The following AGAP1 variants were observed in gnomAD, a reference collection of about 807,000 sequenced individuals.
AGAP1 encodes the protein ArfGAP with GTPase domain, ankyrin repeat and PH domain 1, also known as arf-GAP with GTPase, ANK repeat and PH domain-containing protein 1.
In AGAP1, 29 loss-of-function variants were observed where a neutral mutation model predicts 105.3. The ratio of observed to expected loss-of-function variants is 0.28; its 90% CI spans 0.21 to 0.38. AGAP1 has a LOEUF of 0.38. Ranked by LOEUF, AGAP1 falls within the 10% of genes least tolerant of loss-of-function variation. The pLI is 1.00. For synonymous variants in AGAP1, 509 were observed against 485.9 expected, an observed-to-expected ratio of 1.05 and a Z score of -0.63; for missense variants, 998 against 1,165.1, an observed-to-expected ratio of 0.86 and a Z score of 2.09.
intron 1 of AGAP1, among the ~76,000 whole-genome samples, chr2:235,575,511 A>G (rs980603347): frequency 1.3e-5 from 2 of 152,228 alleles, no homozygotes; most frequent in African/African-American, 4.8e-5. Context: ...TTTAAGGACC[A>G]GTGTGATTCT....
Position 236,009,963 on chromosome 2 carries a change from T to A in AGAP1, c.1646-26598T>A, listed in dbSNP as rs537924582. ...TCCTGGTACAATGATGGAGGAAGAG[T>A]TTGGAATAAAACCCTGCTCGTTTGA... On this transcript the variant is annotated intron_variant, in intron 13 of 17. Transcript: ENST00000304032. This position sits in a 1 kb window ranked among gnomAD's most constrained non-coding sequence, Gnocchi z 4.2. Among the ~76,000 whole-genome samples the A allele has an allele frequency of 1.2e-3, 178 of 151,848 alleles. 1 individual carries two copies. The highest frequency in any genetic ancestry group is 3.3e-3 in the Admixed American group (50 of 15,256).
intron 14 of AGAP1, among the ~76,000 whole-genome samples, chr2:236,039,454 G>A (rs1458724316): frequency 1.3e-5 from 2 of 152,066 alleles, no homozygotes; most frequent in Non-Finnish European, 2.9e-5. Context: ...TGGGGAAAAA[G>A]GTACATATCC....
intron 1 of AGAP1, among the ~76,000 whole-genome samples, chr2:235,506,495 G>C (rs1299688371): frequency 1.3e-5 from 2 of 151,880 alleles, no homozygotes; most frequent in African/African-American, 4.8e-5. Context: ...CTCCACCCTG[G>C]GTGCCAGAGT....
At chr2:236,103,961 C>T (rs1435108671) in intron 16 of AGAP1, among the ~76,000 whole-genome samples, 7 of 152,256 alleles carry the variant, frequency 4.6e-5, no homozygotes, top group African/African-American at 1.7e-4. Flanking sequence ...GGCATTGAGC[C>T]ACATGCACAA....
At chr2:235,546,943 C>T (rs1419573369) in intron 1 of AGAP1, among the ~76,000 whole-genome samples, 1 of 152,174 alleles carries the variant, frequency 6.6e-6, no homozygotes, top group African/African-American at 2.4e-5. Context: ...GCTCACTGGC[C>T]GTATTCAGCT....
At chr2:235,857,478 C>T (rs1207927266) in intron 9 of AGAP1, among the ~76,000 whole-genome samples, 2 of 152,192 alleles carry the variant, frequency 1.3e-5, no homozygotes, top group African/African-American at 4.8e-5. Flanking sequence ...AGGGTCCTGA[C>T]CCCGACCCTC....
chr2:235,740,890 C>G lies in AGAP1; in HGVS notation c.311-73C>G, dbSNP rs568406763. On this transcript the variant is annotated intron_variant, in intron 3 of 17. Coordinates refer to ENST00000304032, the MANE Select transcript of AGAP1 (RefSeq NM_001037131.3). This position sits in a 1 kb window ranked among gnomAD's most constrained non-coding sequence, Gnocchi z 5.7. ...AGCCTAGGGTGTATTTTTCCACAAG[C>G]GAAGCCCACGTCTGTCTGCCCTCCT... 6.9e-6 allele frequency: 11 copies of G among 1,586,004 alleles called. No homozygotes were observed. The East Asian group carries it at 2.2e-4, about 32-fold the overall frequency.
intron 1 of AGAP1, among the ~76,000 whole-genome samples, chr2:235,537,673 C>CCCTGGGCT (rs1943285228): frequency 6.6e-6 from 1 of 152,232 alleles, no homozygotes; most frequent in East Asian, 1.9e-4. Flanking sequence ...AGTGCTTTCA[C>CCCTGGGCT]ACTTAAATTG....
chr2:235,538,153 A>C (rs1943302724), intron 1 of AGAP1, among the ~76,000 whole-genome samples: 1 of 152,178 alleles, frequency 6.6e-6, no homozygotes, highest in African/African-American at 2.4e-5. Context: ...TGAAAAGAAA[A>C]TAGGGTTATA....
intron 8 of AGAP1, among the ~76,000 whole-genome samples, chr2:235,805,411 G>A (rs1957787539): frequency 1.3e-5 from 2 of 152,090 alleles, no homozygotes; most frequent in Admixed American, 1.3e-4. Context: ...CTTGTTACAG[G>A]AAGATGTTAA....
chr2:235,743,724 G>T (rs928887082), intron 4 of AGAP1, among the ~76,000 whole-genome samples: 4 of 152,202 alleles, frequency 2.6e-5, no homozygotes, highest in African/African-American at 9.6e-5. Flanking sequence ...GATAACCTTG[G>T]CCATAAAAAC....
rs61027338 is a variant in AGAP1, at chr2:236,000,738, G to A, written c.1645+32115G>A. On this transcript the variant is annotated intron_variant, in intron 13 of 17. Transcript: ENST00000304032. This position sits in a 1 kb window ranked among gnomAD's most constrained non-coding sequence, Gnocchi z 4.3. Reference sequence around the variant, plus strand: ...CAATCAGCCCCGATGGTGTGGCGGGGCAGGTACTAGAGATTGTGTTTGCAG... The same window carrying A: ...CAATCAGCCCCGATGGTGTGGCGGGACAGGTACTAGAGATTGTGTTTGCAG... Among the ~76,000 whole-genome samples, 2,339 of 152,320 alleles carry A rather than the reference G, an allele frequency of 0.015. 71 individuals are homozygous for A. The highest frequency in any genetic ancestry group is 0.054 in the African/African-American group (2,237 of 41,558).
chr2:235,534,271 G>A (rs1943137944), intron 1 of AGAP1, among the ~76,000 whole-genome samples: 4 of 152,162 alleles, frequency 2.6e-5, no homozygotes, highest in Admixed American at 2.6e-4. Context: ...GGGAGGACTA[G>A]GGAAGTAAAT....
intron 1 of AGAP1, among the ~76,000 whole-genome samples, chr2:235,624,456 G>A (rs35638970): frequency 0.027 from 4,052 of 152,188 alleles, 84 homozygotes; most frequent in Admixed American, 0.041. Context: ...TTCAGTGGTT[G>A]GAATGGAAAA....
intron 16 of AGAP1, among the ~76,000 whole-genome samples, chr2:236,077,662 TC>T (rs1262474824): frequency 6.6e-6 from 1 of 152,180 alleles, no homozygotes; most frequent in Non-Finnish European, 1.5e-5. Context: ...GTCACAATAA[TC>T]CGTCCATGGT....
chr2:235,999,455 ACAATGGTAGTAG>A (rs2055989893), intron 13 of AGAP1, among the ~76,000 whole-genome samples: 1 of 123,918 alleles, frequency 8.1e-6, no homozygotes, highest in Non-Finnish European at 1.7e-5. Context: ...AGTGGTGGTG[ACAATGGTAGTAG>A]TGATTGTGGT....
intron 11 of AGAP1, among the ~76,000 whole-genome samples, chr2:235,923,152 A>G (rs1224072444): frequency 6.6e-6 from 1 of 152,132 alleles, no homozygotes; most frequent in East Asian, 1.9e-4. Context: ...TCAGTCATGT[A>G]TTTCATGGTA....
rs572790056 is a variant in AGAP1 at position 235,685,573 on chromosome 2, G to A, written c.164-23606G>A. Among the ~76,000 whole-genome samples the A allele has an allele frequency of 2.0e-5, 3 of 151,962 alleles. No individual in the cohort carries two copies. The South Asian group carries it at 6.2e-4, about 32-fold the overall frequency. ...GACCAGAGGCCCCTCACTGCTCCAC[G>A]CGTATACAGGGTGCGTCTGTCTGGA... On this transcript the variant is annotated intron_variant, in intron 1 of 17. Transcript: ENST00000304032.
At chr2:236,102,930 T>A (rs1339767654) in intron 16 of AGAP1, among the ~76,000 whole-genome samples, 2 of 152,186 alleles carry the variant, frequency 1.3e-5, no homozygotes, top group African/African-American at 4.8e-5. Context: ...ACTTCAAAAT[T>A]GCTTTCTGTT....
Sources: allele counts gnomAD v4.1 joint callset (sites outside exome capture counted in the v4.1 genomes callset), GRCh38; gene constraint gnomAD v4.1.1; non-coding constraint Gnocchi (gnomAD v3.1); transcripts MANE v1.5; gene names NCBI Gene and HGNC (gene_info 2026-07-23, HGNC 2026-07-21).